SCFD2: variants seen among roughly 807,000 people sequenced by gnomAD.
SCFD2 encodes sec1 family domain containing 2.
SCFD2 carries 54 observed loss-of-function variants against 58.9 expected under a neutral mutation model. The observed-to-expected ratio is 0.92, with a 90% CI of 0.74 to 1.15. The LOEUF is 1.15. Among genes scored for constraint, SCFD2 ranks in the 50% most tolerant of loss-of-function variants. The pLI is 0.00. For synonymous variants in SCFD2, 321 were observed against 335.9 expected, an observed-to-expected ratio of 0.96 and a Z score of 0.49; for missense variants, 805 against 836.6, an observed-to-expected ratio of 0.96 and a Z score of 0.47.
At chr4:53,044,415 ACT>A (rs1264952538) in intron 5 of SCFD2, among the ~76,000 whole-genome samples, 1 of 151,630 alleles carries the variant, frequency 6.6e-6, no homozygotes, top group Non-Finnish European at 1.5e-5. Flanking sequence ...TGCACTTCGA[ACT>A]CTGTCTCAGC....
chr4:53,157,143 A>C (rs2148923569), intron 4 of SCFD2, among the ~76,000 whole-genome samples: 1 of 152,348 alleles, frequency 6.6e-6, no homozygotes, highest in Non-Finnish European at 1.5e-5. Flanking sequence ...GTGACATTAA[A>C]TGTGATTTTT....
intron 7 of SCFD2, among the ~76,000 whole-genome samples, chr4:52,899,653 T>C (rs1344616632): frequency 1.3e-5 from 2 of 152,172 alleles, no homozygotes; most frequent in Non-Finnish European, 2.9e-5. Flanking sequence ...TCGAGGAGTA[T>C]CTTTGTGGCG....
chr4:53,248,366 A>C (rs1730194426), intron 4 of SCFD2, among the ~76,000 whole-genome samples: 1 of 152,228 alleles, frequency 6.6e-6, no homozygotes, highest in African/African-American at 2.4e-5. Context: ...GCCATTGCTC[A>C]GGCTTCCTTA....
intron 2 of SCFD2, among the ~76,000 whole-genome samples, chr4:53,338,781 C>T (rs1249638602): frequency 5.9e-5 from 9 of 151,410 alleles, no homozygotes; most frequent in African/African-American, 1.5e-4. Flanking sequence ...GGGGTTTCAC[C>T]GTTTTAGCTG....
Position 53,031,616 on chromosome 4 carries a change from A to G in SCFD2, c.1562-110746T>C, listed in dbSNP as rs1474001691. Among the ~76,000 whole-genome samples, 3 of 152,352 alleles carry G rather than the reference A, an allele frequency of 2.0e-5. No homozygotes were observed. The East Asian group carries it at 5.8e-4, about 29-fold the overall frequency. The stretch of plus-strand genomic sequence containing the variant: ...ATGACCTGATGTAGATGAAAAACAC[A>G]GCACGAGAACTTCATGAACCATACA... On this transcript the variant is annotated intron_variant, in intron 5 of 8. Transcript: ENST00000401642.
chr4:52,991,170 G>T (rs1721604604), intron 5 of SCFD2, among the ~76,000 whole-genome samples: 1 of 152,154 alleles, frequency 6.6e-6, no homozygotes, highest in South Asian at 2.1e-4. Flanking sequence ...GGAGATAGAT[G>T]GTTGGTGTTC....
At chr4:52,878,699 CAT>C (rs1174582700) in intron 8 of SCFD2, among the ~76,000 whole-genome samples, 1 of 152,106 alleles carries the variant, frequency 6.6e-6, no homozygotes, top group Non-Finnish European at 1.5e-5. Flanking sequence ...TTTTAAAAAA[CAT>C]AATCATCAAA....
intron 3 of SCFD2, among the ~76,000 whole-genome samples, chr4:53,284,353 TG>T (rs1479937006): frequency 6.6e-6 from 1 of 152,166 alleles, no homozygotes; most frequent in Non-Finnish European, 1.5e-5. Flanking sequence ...AGAAAAAAGT[TG>T]GAAAGGCAAG....
chr4:53,202,869 T>C (rs555931035), intron 4 of SCFD2, among the ~76,000 whole-genome samples: 3 of 152,336 alleles, frequency 2.0e-5, no homozygotes, highest in South Asian at 2.1e-4. Flanking sequence ...TTTTTGCACA[T>C]TGATTTTGTA....
intron 4 of SCFD2, among the ~76,000 whole-genome samples, chr4:53,252,485 T>C (rs570497913): frequency 6.6e-6 from 1 of 150,992 alleles, no homozygotes; most frequent in South Asian, 2.1e-4. Flanking sequence ...CTTCAAACTA[T>C]ACTACAAGGC....
intron 5 of SCFD2, among the ~76,000 whole-genome samples, chr4:53,143,599 A>C (rs1726230062): frequency 6.6e-6 from 1 of 152,192 alleles, no homozygotes; most frequent in Non-Finnish European, 1.5e-5. Context: ...AGCAACCATA[A>C]GAAAGGTCAA....
chr4:52,893,372 T>C (rs1718923663), intron 7 of SCFD2, among the ~76,000 whole-genome samples: 1 of 152,084 alleles, frequency 6.6e-6, no homozygotes, highest in African/African-American at 2.4e-5. Context: ...CCCTGTCTTG[T>C]TTTTCTTATA....
At chr4:52,982,590 C>T (rs534262151) in intron 5 of SCFD2, among the ~76,000 whole-genome samples, 91 of 152,282 alleles carry the variant, frequency 6.0e-4, no homozygotes, top group African/African-American at 2.1e-3. Flanking sequence ...CTATTGATAG[C>T]TTATTGTTTG....
chr4:52,938,673 TA>T (rs1720207342), intron 5 of SCFD2, among the ~76,000 whole-genome samples: 1 of 152,200 alleles, frequency 6.6e-6, no homozygotes, highest in African/African-American at 2.4e-5. Flanking sequence ...GTCCTTAAAA[TA>T]ATTTTTTATT....
chr4:53,028,582 A>G (rs1302102455), intron 5 of SCFD2, among the ~76,000 whole-genome samples: 5 of 152,300 alleles, frequency 3.3e-5, no homozygotes, highest in Non-Finnish European at 1.5e-5. Context: ...CTTATTCAAT[A>G]GAGTGCTTCT....
In SCFD2 at chr4:53,109,516, CAAAGTCTCAGG is replaced by C. The variant is rs529840076; in HGVS notation, c.1561+35806_1561+35816del. The stretch of plus-strand genomic sequence containing the variant: ...TCCTTAAGCTGATAAGCAACTTCAG[CAAAGTCTCAGG>C]ATAAAAAATCAATGTGCAAAAATCA... On this transcript the variant is annotated intron_variant, in intron 5 of 8. Coordinates refer to ENST00000401642, the MANE Select transcript of SCFD2 (RefSeq NM_152540.4). Among the ~76,000 whole-genome samples, 8 of 152,284 alleles carry C rather than the reference CAAAGTCTCAGG, an allele frequency of 5.3e-5. No homozygotes were observed. In the South Asian group the frequency reaches 1.5e-3, roughly 28 times the overall value.
rs546951966 is a variant in SCFD2 at position 53,048,065 on chromosome 4, T to G, written c.1561+97268A>C. The stretch of plus-strand genomic sequence containing the variant: ...CTTGAAAAATCTTTTAATTAAATAT[T>G]CTAGGCTACGCGCAGTTGCTCAGAC... On this transcript the variant is annotated intron_variant, in intron 5 of 8. Transcript: ENST00000401642. 2.6e-5 allele frequency among the ~76,000 whole-genome samples: 4 copies of G among 152,206 alleles called. No individual in the cohort carries two copies. In the East Asian group the frequency reaches 5.8e-4, roughly 22 times the overall value.
In SCFD2 at chr4:53,044,908, C is replaced by CA. The variant is rs1159683047; in HGVS notation, c.1561+100424_1561+100425insT. Among the ~76,000 whole-genome samples, 35 of 7,710 alleles carry CA rather than the reference C, an allele frequency of 4.5e-3. 1 individual carries two copies. The highest frequency in any genetic ancestry group is 6.4e-3 in the African/African-American group (33 of 5,122). The allele number at this position is 7,710 out of a possible 152,430, so 5.1% of individuals were successfully genotyped here. On this transcript the variant is annotated intron_variant, in intron 5 of 8. Transcript: ENST00000401642. ...CCCAATTCCCACCTCCACCCCCAACCCCCCCCCCCCGCCCACAAAAAACTT... is the reference window on the plus strand; with the variant it reads ...CCCAATTCCCACCTCCACCCCCAACCACCCCCCCCCCGCCCACAAAAAACTT...
chr4:53,240,639 A>G (rs1234660749), intron 4 of SCFD2, among the ~76,000 whole-genome samples: 1 of 152,256 alleles, frequency 6.6e-6, no homozygotes, highest in Non-Finnish European at 1.5e-5. Context: ...ACAACTTCTG[A>G]TTACTGTTTG....
Sources: allele counts gnomAD v4.1 joint callset (sites outside exome capture counted in the v4.1 genomes callset), GRCh38; gene constraint gnomAD v4.1.1; transcripts MANE v1.5; gene names NCBI Gene and HGNC (gene_info 2026-07-23, HGNC 2026-07-21).